Variants in CNBD2 observed in about 807,000 individuals in gnomAD.
CNBD2 encodes the protein cyclic nucleotide-binding domain-containing protein 2.
A neutral mutation model predicts 63.7 loss-of-function variants in CNBD2; 64 were observed. The observed-to-expected ratio is 1.00, with a 90% confidence interval of 0.82 to 1.24. The LOEUF (loss-of-function observed/expected upper bound fraction) is 1.24. Among genes scored for constraint, CNBD2 ranks in the 50% most tolerant of loss-of-function variants. The probability of loss-of-function intolerance (pLI) is 0.00; values close to 1 mark genes in which losing one functional copy is unlikely to be tolerated. For missense variants in CNBD2, 691 were observed against 713.5 expected (o/e 0.97, Z 0.36); for synonymous variants, 229 against 255.4 (o/e 0.90, Z 0.99).
exon 1 of CNBD2, chr20:35,954,944 T>G (rs1388752973): frequency 4.5e-6 from 1 of 220,758 alleles, no homozygotes; most frequent in African/African-American, 2.4e-5. Context: ...GAGAAAGTCC[T>G]CTCGCTTGGT....
At chr20:35,998,053 T>G (rs1208393233) in intron 8 of CNBD2, among the ~76,000 whole-genome samples, 2 of 147,866 alleles carry the variant, frequency 1.4e-5, no homozygotes, top group East Asian at 3.9e-4. Context: ...TTTTTTTTTT[T>G]TTTTTTGAGA....
chr20:35,993,691 G>A (rs1166649895), intron 7 of CNBD2, among the ~76,000 whole-genome samples: 1 of 151,990 alleles, frequency 6.6e-6, no homozygotes. Context: ...AGTTATTTCT[G>A]AGTGTCAGGA....
chr20:36,017,058 CA>C (rs35383989), intron 10 of CNBD2, among the ~76,000 whole-genome samples: 5,181 of 105,398 alleles, frequency 0.049, 106 homozygotes, highest in Non-Finnish European at 0.074. Context: ...GAGCCTGTCT[CA>C]AAAAAAAAAA....
chr20:35,962,827 A>G (rs529779345), intron 2 of CNBD2, among the ~76,000 whole-genome samples: 2 of 152,306 alleles, frequency 1.3e-5, no homozygotes, highest in African/African-American at 4.8e-5. Flanking sequence ...ATGAATCTGT[A>G]GCTTTCTTTT....
At chr20:35,968,936 G>A in intron 1 of CNBD2, 123 bp downstream of exon 1, 1 of 711,816 alleles carries the variant, frequency 1.4e-6, no homozygotes. Flanking sequence ...GTACCTTTTG[G>A]AGTCACAGCA....
chr20:36,012,489 A>AAC (rs1377996748), intron 10 of CNBD2, among the ~76,000 whole-genome samples: 3 of 151,756 alleles, frequency 2.0e-5, no homozygotes, highest in African/African-American at 7.3e-5. Context: ...AAAAAAAAAA[A>AAC]ATTAATAACA....
intron 11 of CNBD2, among the ~76,000 whole-genome samples, chr20:36,029,987 A>C (rs1351944055): frequency 1.3e-5 from 2 of 152,240 alleles, no homozygotes; most frequent in African/African-American, 4.8e-5. Flanking sequence ...AAACCGAATC[A>C]TGTAATATGT....
intron 9 of CNBD2, among the ~76,000 whole-genome samples, chr20:36,010,350 C>T (rs191212808): frequency 1.3e-5 from 2 of 150,468 alleles, no homozygotes; most frequent in East Asian, 2.0e-4. Context: ...ACTTTTGAGA[C>T]GTTATGGATA....
At chr20:35,955,589 A>G (rs529769255), downstream of CNBD2, among the ~76,000 whole-genome samples, 2 of 152,280 alleles carry the variant, frequency 1.3e-5, no homozygotes, top group East Asian at 3.9e-4. Flanking sequence ...TGTTTTTATT[A>G]GGTAAACTGC....
intron 2 of CNBD2, 84 bp downstream of exon 2, chr20:35,972,850 T>G: frequency 7.3e-7 from 1 of 1,364,174 alleles, no homozygotes; most frequent in Non-Finnish European, 1.0e-6. Flanking sequence ...AGCTCAGAAC[T>G]GAGAAAGAAG....
At position 36,030,568 on chromosome 20, in the gene CNBD2, C is replaced by A. The variant is rs768966320; in HGVS notation, c.1651C>A (p.Pro551Thr). 2.7e-5 allele frequency: 44 copies of A among 1,614,122 alleles called. No individual in the cohort carries two copies. The highest frequency in any genetic ancestry group is 6.7e-5 in the Admixed American group (4 of 60,006). Reference protein sequence around the residue: ...TKPRYPIFMAPQKYLPPLRIV... With the variant: ...TKPRYPIFMATQKYLPPLRIV... ...ACCTCGTTATCCTATTTTTATGGCA[C>A]CCCAGAAATACCTCCCCCCATTGAG... The change falls in exon 12 of 12, where the codon CCC (proline) becomes ACC (threonine). Residue 551 changes from proline (P) to threonine (T), a missense_variant. Physicochemically the swap from Pro to Thr is conservative, Grantham distance 38 (BLOSUM62 -1). Transcript: ENST00000373973.
At chr20:36,022,372 G>A (rs1189189121) in intron 10 of CNBD2, among the ~76,000 whole-genome samples, 1 of 150,978 alleles carries the variant, frequency 6.6e-6, no homozygotes, top group African/African-American at 2.4e-5. Context: ...CTAATTTTTT[G>A]TATTTTTAGT....
intron 8 of CNBD2, 35 bp downstream of exon 8, chr20:35,995,187 G>C: frequency 1.4e-6 from 2 of 1,427,632 alleles, no homozygotes; most frequent in Non-Finnish European, 2.0e-6. Context: ...AGCAGGGGGC[G>C]CCTGGGCCTG....
At chr20:36,015,942 G>T (rs912849529) in intron 10 of CNBD2, among the ~76,000 whole-genome samples, 2 of 152,130 alleles carry the variant, frequency 1.3e-5, no homozygotes, top group Non-Finnish European at 2.9e-5. Flanking sequence ...GTATGGCAAG[G>T]GGGGAATGAA....
At chr20:35,985,151 T>C (rs368735944) in intron 6 of CNBD2, among the ~76,000 whole-genome samples, 4 of 151,626 alleles carry the variant, frequency 2.6e-5, no homozygotes, top group African/African-American at 9.7e-5. Flanking sequence ...TAAAAAAAAT[T>C]AGCTGGGTGT....
chr20:36,020,441 A>C (rs2057192871), intron 10 of CNBD2, among the ~76,000 whole-genome samples: 1 of 152,156 alleles, frequency 6.6e-6, no homozygotes, highest in Non-Finnish European at 1.5e-5. Context: ...TAAGAATAGG[A>C]GTCAGCTCAC....
At chr20:35,999,460 A>G (rs1040096902) in intron 8 of CNBD2, among the ~76,000 whole-genome samples, 3 of 151,636 alleles carry the variant, frequency 2.0e-5, no homozygotes, top group Admixed American at 1.3e-4. Context: ...TTGTGGTATT[A>G]TTTTCACAGT....
chr20:36,008,297 A>G lies in CNBD2; in HGVS notation c.971A>G (p.Glu324Gly). The change falls in exon 9 of 12, where the codon GAA becomes GGA. Residue 324 changes from glutamate (E) to glycine (G), a missense_variant and splice_region_variant. Physicochemically the swap from Glu to Gly is moderately conservative, Grantham distance 98. Transcript: ENST00000373973. Reference protein sequence around the residue: ...DGRPLKTHLSEYSPMERFKEF... With the variant: ...DGRPLKTHLSGYSPMERFKEF... ...TCTTTTCCTGTGCTTTCTCTAACAG[A>G]ATACTCTCCTATGGAAAGATTTAAG... 1 of 1,605,298 alleles carries G rather than the reference A, an allele frequency of 6.2e-7. No individual in the cohort carries two copies. The highest frequency in any genetic ancestry group is 8.5e-7 in the Non-Finnish European group (1 of 1,176,920).
At chr20:36,009,215 T>G (rs575229647) in intron 9 of CNBD2, among the ~76,000 whole-genome samples, 1 of 151,656 alleles carries the variant, frequency 6.6e-6, no homozygotes, top group East Asian at 2.0e-4. Context: ...TTTTTTTTTT[T>G]TTTTGAGATG....
Sources: allele counts gnomAD v4.1 joint callset (sites outside exome capture counted in the v4.1 genomes callset), GRCh38; gene constraint gnomAD v4.1.1; transcripts MANE v1.5; gene names NCBI Gene and HGNC (gene_info 2026-07-23, HGNC 2026-07-21).